The following ROBO2 variants were observed in gnomAD, a reference collection of about 807,000 sequenced individuals.
The protein encoded by ROBO2 is roundabout guidance receptor 2.
A neutral mutation model predicts 160.8 loss-of-function variants in ROBO2; 53 were observed. The observed-to-expected ratio is 0.33, with a 90% confidence interval of 0.26 to 0.41. The LOEUF (loss-of-function observed/expected upper bound fraction) is 0.41, where lower values mean the gene tolerates loss of function less well. Ranked by LOEUF, ROBO2 falls within the 10% of genes least tolerant of loss-of-function variation. The probability of loss-of-function intolerance (pLI) is 1.00; values close to 1 mark genes in which losing one functional copy is unlikely to be tolerated. For missense variants in ROBO2, 1,577 were observed against 1,722.4 expected (o/e 0.92, Z 1.49); for synonymous variants, 664 against 611.7 (o/e 1.09, Z -1.26).
intron 2 of ROBO2, among the ~76,000 whole-genome samples, chr3:76,869,342 G>GTTTTTTTTTTTTTTTTTTTTTT (rs34051755): frequency 1.4e-5 from 1 of 71,356 alleles, no homozygotes; most frequent in Non-Finnish European, 2.6e-5. Flanking sequence ...AGAAATTGAT[G>GTTTTTTTTTTTTTTTTTTTTTT]TTTTTTTTTT....
intron 2 of ROBO2, among the ~76,000 whole-genome samples, chr3:76,061,896 C>T (rs1405764212): frequency 6.6e-6 from 1 of 152,138 alleles, no homozygotes; most frequent in Non-Finnish European, 1.5e-5. Flanking sequence ...ATTCTTTGGC[C>T]TGTGGTCCCA....
intron 2 of ROBO2, among the ~76,000 whole-genome samples, chr3:76,899,293 A>C (rs1336939923): frequency 6.6e-6 from 1 of 152,146 alleles, no homozygotes; most frequent in African/African-American, 2.4e-5. Flanking sequence ...TTAAAAATTT[A>C]ATCCACTTCG....
intron 2 of ROBO2, among the ~76,000 whole-genome samples, chr3:76,274,598 G>A (rs1436297503): frequency 6.6e-6 from 1 of 152,036 alleles, no homozygotes; most frequent in Non-Finnish European, 1.5e-5. Context: ...CAGCACTTTG[G>A]GAGGCCGAGG....
intron 2 of ROBO2, among the ~76,000 whole-genome samples, chr3:77,302,865 G>T (rs1447164994): frequency 6.6e-6 from 1 of 152,088 alleles, no homozygotes; most frequent in Non-Finnish European, 1.5e-5. Flanking sequence ...TCCCACTTCT[G>T]AACCAAAGTC....
At chr3:76,146,365 G>A (rs1559590546) in intron 2 of ROBO2, among the ~76,000 whole-genome samples, 3 of 151,886 alleles carry the variant, frequency 2.0e-5, no homozygotes, top group Admixed American at 1.3e-4. Context: ...AAATTAGGGT[G>A]TGTTATCAGC....
intron 2 of ROBO2, among the ~76,000 whole-genome samples, chr3:77,232,551 C>T (rs894182940): frequency 1.3e-5 from 2 of 152,114 alleles, no homozygotes; most frequent in Admixed American, 6.6e-5. Flanking sequence ...CTCTGATATG[C>T]TTGAGATATG....
intron 2 of ROBO2, among the ~76,000 whole-genome samples, chr3:76,921,426 ACAT>A (rs1333355488): frequency 1.3e-5 from 2 of 152,142 alleles, no homozygotes; most frequent in Non-Finnish European, 2.9e-5. Context: ...AGCCTGACCA[ACAT>A]GGTGAAATCC....
chr3:76,638,140 G>C (rs767910160), intron 2 of ROBO2, among the ~76,000 whole-genome samples: 2 of 152,088 alleles, frequency 1.3e-5, no homozygotes, highest in Non-Finnish European at 2.9e-5. Context: ...AATGAATCCT[G>C]CCTAAATAAC....
chr3:76,104,661 A>G (rs970841272), intron 2 of ROBO2, among the ~76,000 whole-genome samples: 1 of 152,234 alleles, frequency 6.6e-6, no homozygotes, highest in African/African-American at 2.4e-5. Flanking sequence ...ATGTAAGTGG[A>G]AAAGGACACT....
chr3:77,189,087 A>T (rs1386866759), intron 2 of ROBO2, among the ~76,000 whole-genome samples: 1 of 151,818 alleles, frequency 6.6e-6, no homozygotes, highest in African/African-American at 2.4e-5. Flanking sequence ...GACACTATTA[A>T]AAAATGACTG....
intron 2 of ROBO2, among the ~76,000 whole-genome samples, chr3:76,097,310 A>C (rs1344958295): frequency 6.6e-6 from 1 of 151,956 alleles, no homozygotes; most frequent in Non-Finnish European, 1.5e-5. Flanking sequence ...CAGATCTCAT[A>C]GCCTAGCACC....
intron 2 of ROBO2, among the ~76,000 whole-genome samples, chr3:77,242,834 C>G (rs977814778): frequency 6.6e-6 from 1 of 150,588 alleles, no homozygotes; most frequent in Non-Finnish European, 1.5e-5. Context: ...TGTACATTGT[C>G]TTTATATTAA....
intron 2 of ROBO2, among the ~76,000 whole-genome samples, chr3:76,191,514 T>C (rs1702004004): frequency 6.6e-6 from 1 of 152,154 alleles, no homozygotes; most frequent in African/African-American, 2.4e-5. Context: ...AGAATATGTC[T>C]TAGCCCTCCT....
intron 2 of ROBO2, among the ~76,000 whole-genome samples, chr3:76,538,184 C>CA (rs2082619809): frequency 6.7e-6 from 1 of 148,950 alleles, no homozygotes; most frequent in African/African-American, 2.4e-5. Context: ...CACACACACA[C>CA]CATATTCATA....
At chr3:75,961,724 G>A (rs1384909969) in intron 2 of ROBO2, among the ~76,000 whole-genome samples, 1 of 151,446 alleles carries the variant, frequency 6.6e-6, no homozygotes, top group Non-Finnish European at 1.5e-5. Context: ...GAAACTTTTT[G>A]ATGGATATAG....
chr3:76,847,900 C>A (rs570459606), intron 2 of ROBO2, among the ~76,000 whole-genome samples: 1 of 151,732 alleles, frequency 6.6e-6, no homozygotes, highest in African/African-American at 2.4e-5. Flanking sequence ...TTAAATATTC[C>A]TTTACTAATG....
chr3:77,194,279 C>A (rs1318112314), intron 2 of ROBO2, among the ~76,000 whole-genome samples: 1 of 152,074 alleles, frequency 6.6e-6, no homozygotes, highest in Non-Finnish European at 1.5e-5. Context: ...GTCATTGGCC[C>A]CATTCCTGCT....
intron 2 of ROBO2, among the ~76,000 whole-genome samples, chr3:75,967,766 A>G (rs559855866): frequency 1.2e-4 from 18 of 151,664 alleles, no homozygotes; most frequent in Admixed American, 3.3e-4. Flanking sequence ...AAACACAGTT[A>G]CACAATCAAG....
chr3:77,056,259 T>C (rs1034466026), intron 1 of ROBO2, among the ~76,000 whole-genome samples: 1 of 152,188 alleles, frequency 6.6e-6, no homozygotes, highest in Admixed American at 6.5e-5. Context: ...CATCCTTTCT[T>C]GATCCATTTG....
Sources: gnomAD v4.1 joint callset for allele counts (sites outside exome capture counted in the v4.1 genomes callset) on GRCh38, gnomAD v4.1.1 for gene constraint, MANE v1.5 for transcripts, NCBI Gene and HGNC (gene_info 2026-07-23, HGNC 2026-07-21) for gene names.